The following WASF1 variants were observed in gnomAD, a reference collection of about 807,000 sequenced individuals.
WASF1 encodes the protein actin-binding protein WASF1.
Under a neutral mutation model 50.5 loss-of-function variants are expected in WASF1, and 7 were observed. The observed-to-expected ratio is 0.14, with a 90% CI of 0.08 to 0.26. The LOEUF (loss-of-function observed/expected upper bound fraction) is 0.26. Among genes scored for constraint, WASF1 ranks in the 10% least tolerant of loss-of-function variants. The probability of loss-of-function intolerance (pLI) is 1.00; values close to 1 mark genes in which losing one functional copy is unlikely to be tolerated. For missense variants in WASF1, 470 were observed against 694.7 expected, an observed-to-expected ratio of 0.68 and a Z score of 3.64; for synonymous variants, 205 against 244.0, an observed-to-expected ratio of 0.84 and a Z score of 1.49.
Position 110,158,508 on chromosome 6 carries a change from C to A in WASF1, c.-29+2127G>T, listed in dbSNP as rs527875223. ...TTTGTTGATCCTTTCAAAAAACCAG[C>A]TCCTGGATTCATTGATTTTTTGAAG... On this transcript the variant is annotated intron_variant, in intron 3 of 10. Transcript: ENST00000392589. Among the ~76,000 whole-genome samples the A allele has an allele frequency of 3.5e-4, 46 of 130,846 alleles. 2 individuals are homozygous for A. Among genetic ancestry groups the A allele is most frequent in the Non-Finnish European group, 5.9e-4 (37 of 62,726 alleles). 85.8% of individuals were successfully genotyped at this position (130,846 alleles called of 152,430 possible). A position where few individuals can be genotyped will look rare whatever the true frequency, so the allele number is the denominator to read the frequency against.
At chr6:110,107,302 T>C in intron 6 of WASF1, 108 bp from the exon 7 acceptor site, 1 of 698,696 alleles carries the variant, frequency 1.4e-6, no homozygotes, top group Non-Finnish European at 2.3e-6. Context: ...AAATACAGCA[T>C]GTTAAAATAG....
At position 110,175,318 on chromosome 6, in the gene WASF1, G is replaced by A. The variant is rs546755682; in HGVS notation, c.-127+3280C>T. ...ATCCAAAAGAAAAATCCTGTTTCTTGACAGTGCTGGGAGTTTATTTTTAAA... is the reference window on the plus strand; with the variant it reads ...ATCCAAAAGAAAAATCCTGTTTCTTAACAGTGCTGGGAGTTTATTTTTAAA... On this transcript the variant is annotated intron_variant, in intron 2 of 10. Transcript: ENST00000392589. Among the ~76,000 whole-genome samples, 3 of 152,170 alleles carry A rather than the reference G, an allele frequency of 2.0e-5. No individual in the cohort carries two copies. The East Asian group carries it at 5.8e-4, about 29-fold the overall frequency.
intron 5 of WASF1, among the ~76,000 whole-genome samples, chr6:110,109,425 T>C (rs1385957955): frequency 1.3e-5 from 2 of 152,202 alleles, no homozygotes; most frequent in Non-Finnish European, 2.9e-5. Flanking sequence ...AAATGCTGCA[T>C]TCTTAATTCT....
chr6:110,141,492 C>T (rs1775233373), intron 3 of WASF1, among the ~76,000 whole-genome samples: 1 of 152,102 alleles, frequency 6.6e-6, no homozygotes, highest in Admixed American at 6.6e-5. Flanking sequence ...CTCTTTGATG[C>T]CCTCAACATG....
intron 3 of WASF1, among the ~76,000 whole-genome samples, chr6:110,144,122 CTGT>C (rs1775412295): frequency 6.6e-6 from 1 of 152,136 alleles, no homozygotes; most frequent in South Asian, 2.1e-4. Context: ...TCTCCAGCAC[CTGT>C]TGTTTCCTGA....
At chr6:110,114,933 A>T (rs1490077362) in intron 4 of WASF1, among the ~76,000 whole-genome samples, 1 of 151,990 alleles carries the variant, frequency 6.6e-6, no homozygotes, top group Non-Finnish European at 1.5e-5. Context: ...CTCAACCAAA[A>T]ATACAGAAAT....
chr6:110,124,236 CTCT>C (rs1562170300), intron 4 of WASF1, among the ~76,000 whole-genome samples: 4 of 6,194 alleles, frequency 6.5e-4, no homozygotes, highest in African/African-American at 1.1e-3. Context: ...CCTCTCTCTC[CTCT>C]CTCTCTCTCT....
Position 110,105,431 on chromosome 6 carries a change from C to T in WASF1, c.689G>A (p.Gly230Asp). ...CCTTGTTTCAAAATGAGAGGCTGGGCCATTAGCAACTTCAATATGCTTATG... is the reference window on the plus strand; with the variant it reads ...CCTTGTTTCAAAATGAGAGGCTGGGTCATTAGCAACTTCAATATGCTTATG... ...LLHKHIEVAN[G>D]PASHFETRPQ... The change falls in exon 8 of 11, where the codon GGC becomes GAC. Residue 230 changes from glycine (G) to aspartate (D), a missense_variant. By Grantham distance (94) the Gly-to-Asp change is moderately conservative. Around this residue, in one of 3 missense-constraint regions of WASF1, gnomAD observed 294 missense variants for 343.5 expected, o/e 0.86. Coordinates refer to ENST00000392589, the MANE Select transcript of WASF1 (RefSeq NM_003931.3). 2 of 1,607,664 alleles carry T rather than the reference C, an allele frequency of 1.2e-6. No homozygotes were observed. Among genetic ancestry groups the T allele is most frequent in the Non-Finnish European group, 1.7e-6 (2 of 1,177,740 alleles).
At chr6:110,173,651 T>C (rs1776808072) in intron 2 of WASF1, among the ~76,000 whole-genome samples, 1 of 152,102 alleles carries the variant, frequency 6.6e-6, no homozygotes, top group Admixed American at 6.6e-5. Context: ...GAACCCAATC[T>C]CAGGACCATG....
At chr6:110,116,113 T>G (rs529944814) in intron 4 of WASF1, among the ~76,000 whole-genome samples, 1 of 152,260 alleles carries the variant, frequency 6.6e-6, no homozygotes, top group East Asian at 1.9e-4. Flanking sequence ...CCAGCGAAAC[T>G]GATGCAGAAG....
chr6:110,107,032 C>T (rs908859845), intron 7 of WASF1, 45 bp downstream of exon 7: 1 of 1,380,838 alleles, frequency 7.2e-7, no homozygotes, highest in Non-Finnish European at 1.0e-6. Context: ...CAACAAAACA[C>T]AAATATACAA....
chr6:110,125,079 T>G (rs1242721730), intron 4 of WASF1, among the ~76,000 whole-genome samples: 1 of 152,226 alleles, frequency 6.6e-6, no homozygotes, highest in Non-Finnish European at 1.5e-5. Flanking sequence ...ACATTTTGGA[T>G]AGCCAAGTTT....
intron 4 of WASF1, among the ~76,000 whole-genome samples, chr6:110,121,340 GA>G (rs937359569): frequency 6.6e-6 from 1 of 151,262 alleles, no homozygotes. Context: ...AAATTTATAA[GA>G]AAAAAAACAA....
intron 2 of WASF1, among the ~76,000 whole-genome samples, chr6:110,178,298 T>G (rs1363396042): frequency 6.6e-6 from 1 of 152,186 alleles, no homozygotes; most frequent in Non-Finnish European, 1.5e-5. Flanking sequence ...AAATGTTTCC[T>G]AACAGAAACT....
At chr6:110,133,743 AT>A (rs1774810624) in intron 3 of WASF1, among the ~76,000 whole-genome samples, 1 of 151,392 alleles carries the variant, frequency 6.6e-6, no homozygotes, top group East Asian at 1.9e-4. Flanking sequence ...TTTTTCTGAT[AT>A]TTGAGTTCAT....
chr6:110,152,723 A>T (rs933637848), intron 3 of WASF1, among the ~76,000 whole-genome samples: 4 of 152,300 alleles, frequency 2.6e-5, no homozygotes, highest in Non-Finnish European at 4.4e-5. Flanking sequence ...ATAGGACTAT[A>T]AGATAATTAC....
chr6:110,173,061 T>G (rs1776783562), intron 2 of WASF1, among the ~76,000 whole-genome samples: 1 of 152,146 alleles, frequency 6.6e-6, no homozygotes, highest in South Asian at 2.1e-4. Context: ...TTTAGCAAAT[T>G]TAACAAATTT....
At chr6:110,114,236 T>G (rs1266619412) in intron 4 of WASF1, among the ~76,000 whole-genome samples, 1 of 152,182 alleles carries the variant, frequency 6.6e-6, no homozygotes, top group African/African-American at 2.4e-5. Flanking sequence ...CTGTAAACCT[T>G]GAATACATTG....
At chr6:110,125,916 C>CT (rs2114513306) in intron 4 of WASF1, among the ~76,000 whole-genome samples, 2 of 152,226 alleles carry the variant, frequency 1.3e-5, no homozygotes, top group African/African-American at 4.8e-5. Flanking sequence ...AAATTTTCAT[C>CT]TTTAAGTTTT....
Sources: gnomAD v4.1 joint callset for allele counts (sites outside exome capture counted in the v4.1 genomes callset) on GRCh38, gnomAD v4.1.1 for gene constraint, gnomAD v4.1.1 regional missense constraint, MANE v1.5 for transcripts, NCBI Gene and HGNC (gene_info 2026-07-23, HGNC 2026-07-21) for gene names.